The following DAB1 variants were observed in gnomAD, a reference collection of about 807,000 sequenced individuals.
DAB1 encodes the protein disabled homolog 1.
A neutral mutation model predicts 64.6 loss-of-function variants in DAB1; 15 were observed. The observed-to-expected ratio is 0.23, with a 90% CI of 0.16 to 0.36. The LOEUF is 0.36. DAB1 is among the 10% of genes least tolerant of loss of function. The pLI is 1.00. For missense variants in DAB1, 596 were observed against 706.7 expected, an observed-to-expected ratio of 0.84 and a Z score of 1.78; for synonymous variants, 235 against 251.9, an observed-to-expected ratio of 0.93 and a Z score of 0.64.
chr1:57,910,199 G>A (rs1020743560), intron 5 of DAB1, among the ~76,000 whole-genome samples: 1 of 152,148 alleles, frequency 6.6e-6, no homozygotes, highest in African/African-American at 2.4e-5. Context: ...TGCTCCCCTG[G>A]GCTTGGATGT....
chr1:57,490,700 A>C (rs1644151800), intron 7 of DAB1, among the ~76,000 whole-genome samples: 1 of 152,188 alleles, frequency 6.6e-6, no homozygotes, highest in Admixed American at 6.5e-5. Context: ...AAAAAGTCAA[A>C]ATCTATAACT....
intron 5 of DAB1, among the ~76,000 whole-genome samples, chr1:58,025,189 A>T (rs942833314): frequency 2.0e-5 from 3 of 151,964 alleles, no homozygotes; most frequent in Non-Finnish European, 4.4e-5. Context: ...CAACATAAAC[A>T]TTCTTTGGGG....
intron 7 of DAB1, among the ~76,000 whole-genome samples, chr1:57,618,939 T>C (rs1269631186): frequency 6.6e-6 from 1 of 152,200 alleles, no homozygotes; most frequent in Non-Finnish European, 1.5e-5. Flanking sequence ...CTATAGGCTA[T>C]AATTCCATCA....
intron 2 of DAB1, among the ~76,000 whole-genome samples, chr1:57,221,826 C>T (rs1157062552): frequency 6.6e-6 from 1 of 152,110 alleles, no homozygotes; most frequent in Non-Finnish European, 1.5e-5. Flanking sequence ...TGCAACATTA[C>T]CCTCTGCTTC....
chr1:57,739,067 T>G (rs1195797390), intron 6 of DAB1, among the ~76,000 whole-genome samples: 2 of 152,208 alleles, frequency 1.3e-5, no homozygotes, highest in Non-Finnish European at 2.9e-5. Flanking sequence ...TAGGGGGCTG[T>G]CAGCTAATAC....
intron 5 of DAB1, among the ~76,000 whole-genome samples, chr1:58,039,667 A>G (rs961588488): frequency 6.6e-6 from 1 of 152,064 alleles, no homozygotes; most frequent in Non-Finnish European, 1.5e-5. Flanking sequence ...CCTCTCCCCA[A>G]GTCCTTGCAC....
chr1:57,697,506 A>G (rs569977764), intron 6 of DAB1, among the ~76,000 whole-genome samples: 2 of 151,510 alleles, frequency 1.3e-5, no homozygotes, highest in Non-Finnish European at 2.9e-5. Flanking sequence ...AATTTTAATT[A>G]GCATTGCTCA....
intron 3 of DAB1, among the ~76,000 whole-genome samples, chr1:58,370,218 T>A (rs1644251855): frequency 6.6e-6 from 1 of 152,170 alleles, no homozygotes; most frequent in Non-Finnish European, 1.5e-5. Flanking sequence ...GTGTACTGAA[T>A]GTGAATAGAA....
chr1:57,877,360 T>C (rs1025128755), intron 1 of DAB1, among the ~76,000 whole-genome samples: 5 of 152,106 alleles, frequency 3.3e-5, no homozygotes, highest in African/African-American at 1.2e-4. Context: ...TTGACCATTA[T>C]GATACACTCT....
At chr1:58,122,915 C>T (rs1344811135) in intron 5 of DAB1, among the ~76,000 whole-genome samples, 2 of 152,072 alleles carry the variant, frequency 1.3e-5, no homozygotes, top group African/African-American at 2.4e-5. Context: ...AGAATGAGTA[C>T]GAGCTTCCTA....
At chr1:58,457,510 AT>A (rs1265933235) in intron 3 of DAB1, among the ~76,000 whole-genome samples, 1 of 152,224 alleles carries the variant, frequency 6.6e-6, no homozygotes, top group Non-Finnish European at 1.5e-5. Flanking sequence ...TGTTGTACAG[AT>A]TAGGGAAAAA....
intron 2 of DAB1, among the ~76,000 whole-genome samples, chr1:57,200,764 T>C (rs1210630276): frequency 1.3e-5 from 2 of 152,224 alleles, no homozygotes; most frequent in Non-Finnish European, 2.9e-5. Context: ...GATCAATAAA[T>C]TGGCAAGTTT....
chr1:58,280,862 A>G (rs1287895546), intron 4 of DAB1, among the ~76,000 whole-genome samples: 1 of 152,208 alleles, frequency 6.6e-6, no homozygotes, highest in African/African-American at 2.4e-5. Flanking sequence ...AGACCAAGAA[A>G]GATATCTGAC....
intron 5 of DAB1, among the ~76,000 whole-genome samples, chr1:58,024,629 T>C (rs192695465): frequency 2.6e-3 from 396 of 152,338 alleles, no homozygotes; most frequent in African/African-American, 9.0e-3. Context: ...GGTTATCTTG[T>C]GATGGTTAAT....
At chr1:57,214,847 C>A (rs548309386) in intron 2 of DAB1, among the ~76,000 whole-genome samples, 1 of 134,032 alleles carries the variant, frequency 7.5e-6, no homozygotes, top group Admixed American at 8.6e-5. Flanking sequence ...GGAGGTGGAG[C>A]TTGTCGTGAG....
intron 2 of DAB1, among the ~76,000 whole-genome samples, chr1:57,242,115 A>C (rs919168471): frequency 2.0e-5 from 3 of 152,222 alleles, no homozygotes; most frequent in African/African-American, 7.2e-5. Flanking sequence ...AAGGGATCAC[A>C]AGTAAATGGT....
intron 4 of DAB1, among the ~76,000 whole-genome samples, chr1:58,220,944 T>C (rs918940402): frequency 6.6e-6 from 1 of 151,516 alleles, no homozygotes; most frequent in Non-Finnish European, 1.5e-5. Flanking sequence ...TTATAAGGCA[T>C]TATCATTGTG....
chr1:57,667,333 A>G (rs575084808), intron 6 of DAB1, among the ~76,000 whole-genome samples: 1 of 152,140 alleles, frequency 6.6e-6, no homozygotes, highest in East Asian at 1.9e-4. Flanking sequence ...GGAGTTGGGC[A>G]GTGTGCAGAC....
intron 5 of DAB1, among the ~76,000 whole-genome samples, chr1:58,105,791 A>G (rs906696357): frequency 1.3e-5 from 2 of 152,190 alleles, no homozygotes; most frequent in Admixed American, 1.3e-4. Context: ...GGAAAGAGAA[A>G]CATGTATAAG....
Sources: allele counts gnomAD v4.1 joint callset (sites outside exome capture counted in the v4.1 genomes callset), GRCh38; gene constraint gnomAD v4.1.1; transcripts MANE v1.5; gene names NCBI Gene and HGNC (gene_info 2026-07-23, HGNC 2026-07-21).